The following SCAMP1 variants were observed in gnomAD, a reference collection of about 807,000 sequenced individuals.
SCAMP1 encodes secretory carrier membrane protein 1, also known as secretory carrier-associated membrane protein 1.
SCAMP1 carries 15 observed loss-of-function variants against 41.8 expected under a neutral mutation model. That is an observed-to-expected ratio of 0.36 (90% CI 0.24 to 0.55). SCAMP1 has a LOEUF of 0.55. Among genes scored for constraint, SCAMP1 ranks in the 20% least tolerant of loss-of-function variants. SCAMP1 has a pLI of 0.86. For synonymous variants in SCAMP1, 135 were observed against 136.8 expected (o/e 0.99, Z 0.09); for missense variants, 341 against 412.6 (o/e 0.83, Z 1.50).
rs777923800 is a variant in SCAMP1, at chr5:78,418,899, G to T, written c.468G>T (p.Trp156Cys). ...QKTVKLMYYLWMFHAVTLFLN... is the reference protein window; with the variant it reads ...QKTVKLMYYLCMFHAVTLFLN... ...CAGTAAAGCTTATGTACTACTTGTGGATGTGTGAGTATACAACAATTTACA... is the reference window on the plus strand; with the variant it reads ...CAGTAAAGCTTATGTACTACTTGTGTATGTGTGAGTATACAACAATTTACA... Residue 156 changes from tryptophan (W) to cysteine (C), a missense_variant, in exon 5 of 9, where the codon TGG (tryptophan) becomes TGT (cysteine). Physicochemically the swap from Trp to Cys is radical, Grantham distance 215 (BLOSUM62 -2). Coordinates refer to ENST00000621999, the MANE Select transcript of SCAMP1 (RefSeq NM_004866.6). 2 of 1,562,712 alleles carry T rather than the reference G, an allele frequency of 1.3e-6. No individual in the cohort carries two copies. The highest frequency in any genetic ancestry group is 4.0e-5 in the Admixed American group (2 of 50,628).
At chr5:78,453,945 G>A (rs1753312508) in intron 7 of SCAMP1, among the ~76,000 whole-genome samples, 1 of 152,122 alleles carries the variant, frequency 6.6e-6, no homozygotes, top group Admixed American at 6.5e-5. Context: ...TCTCTTTGAA[G>A]CAATTGTGAA....
chr5:78,445,142 T>C (rs1338308796), intron 6 of SCAMP1, among the ~76,000 whole-genome samples: 1 of 152,224 alleles, frequency 6.6e-6, no homozygotes, highest in African/African-American at 2.4e-5. Context: ...ATATCTCTGG[T>C]ATTGATTTGG....
At chr5:78,441,334 A>G (rs1407927551) in intron 6 of SCAMP1, among the ~76,000 whole-genome samples, 2 of 152,214 alleles carry the variant, frequency 1.3e-5, no homozygotes, top group African/African-American at 4.8e-5. Context: ...GCCGTCTTCA[A>G]ACGGATCACT....
chr5:78,381,160 G>A (rs1751196799), intron 1 of SCAMP1, among the ~76,000 whole-genome samples: 1 of 152,208 alleles, frequency 6.6e-6, no homozygotes, highest in African/African-American at 2.4e-5. Context: ...CAGGGAAATC[G>A]ATGTTGATGG....
At chr5:78,380,735 AG>A (rs1751185469) in intron 1 of SCAMP1, among the ~76,000 whole-genome samples, 1 of 152,202 alleles carries the variant, frequency 6.6e-6, no homozygotes, top group Non-Finnish European at 1.5e-5. Context: ...GAAGAAAAAA[AG>A]ATCACTGATC....
At position 78,476,094 on chromosome 5, in the gene SCAMP1, A is replaced by C. The variant is rs1370156381; in HGVS notation, c.*426A>C. ...CTTTTTCCCTATTTATATTGAAAGA[A>C]ATAGGCCAGCAGAGACTTAGGGATT... On this transcript the variant is annotated 3_prime_UTR_variant, in exon 9 of 9. Coordinates refer to ENST00000621999, the MANE Select transcript of SCAMP1 (RefSeq NM_004866.6). 1 of 152,778 alleles carries C rather than the reference A, an allele frequency of 6.5e-6. No individual in the cohort carries two copies. Among genetic ancestry groups the C allele is most frequent in the Admixed American group, 6.5e-5 (1 of 15,280 alleles). 9.5% of individuals were successfully genotyped at this position (152,778 alleles called of 1,614,324 possible).
intron 6 of SCAMP1, among the ~76,000 whole-genome samples, chr5:78,446,368 G>A (rs1185300775): frequency 6.6e-6 from 1 of 152,144 alleles, no homozygotes; most frequent in African/African-American, 2.4e-5. Flanking sequence ...TTGGAACAAG[G>A]TAATGGACAT....
chr5:78,408,778 G>A (rs1343629905), intron 2 of SCAMP1, among the ~76,000 whole-genome samples: 1 of 151,836 alleles, frequency 6.6e-6, no homozygotes, highest in Non-Finnish European at 1.5e-5. Flanking sequence ...TTTAAATTTT[G>A]GTGTAGAGCT....
At chr5:78,426,646 G>A (rs1752477457) in intron 6 of SCAMP1, among the ~76,000 whole-genome samples, 1 of 152,084 alleles carries the variant, frequency 6.6e-6, no homozygotes, top group Non-Finnish European at 1.5e-5. Context: ...ATAGAGTTGT[G>A]CAATCATTAC....
At chr5:78,416,192 A>G (rs533534955) in intron 3 of SCAMP1, among the ~76,000 whole-genome samples, 14 of 152,130 alleles carry the variant, frequency 9.2e-5, no homozygotes, top group Admixed American at 3.3e-4. Flanking sequence ...TCTATTGTTC[A>G]TTTTCCTCAA....
chr5:78,393,293 C>T (rs530286874), intron 2 of SCAMP1, among the ~76,000 whole-genome samples: 13 of 152,274 alleles, frequency 8.5e-5, no homozygotes, highest in African/African-American at 3.1e-4. Context: ...ACTCCTGCCT[C>T]AGCTTTTCAA....
chr5:78,440,189 C>T (rs1401814711), intron 6 of SCAMP1, among the ~76,000 whole-genome samples: 2 of 152,194 alleles, frequency 1.3e-5, no homozygotes, highest in African/African-American at 4.8e-5. Flanking sequence ...TACGGATCGT[C>T]TGAAGCCTTC....
Position 78,456,750 on chromosome 5 carries a change from A to G in SCAMP1, c.735-2495A>G, listed in dbSNP as rs1753416065. Among the ~76,000 whole-genome samples, 3 of 147,956 alleles carry G rather than the reference A, an allele frequency of 2.0e-5. No homozygotes were observed. In the South Asian group the frequency reaches 6.6e-4, roughly 32 times the overall value. ...TTGGCCTGCCTTGCTAGATTGGGGAAGTTCTCCTGGATAATATCCTGCAGA... is the reference window on the plus strand; with the variant it reads ...TTGGCCTGCCTTGCTAGATTGGGGAGGTTCTCCTGGATAATATCCTGCAGA... On this transcript the variant is annotated intron_variant, in intron 7 of 8. Transcript: ENST00000621999.
chr5:78,425,504 A>G (rs909378170), intron 6 of SCAMP1, among the ~76,000 whole-genome samples: 2 of 152,176 alleles, frequency 1.3e-5, no homozygotes, highest in African/African-American at 4.8e-5. Context: ...AATATTTTTA[A>G]AAGTATTTTA....
chr5:78,388,983 CT>C (rs1751418668), intron 2 of SCAMP1, 69 bp downstream of exon 2: 3 of 771,304 alleles, frequency 3.9e-6, no homozygotes, highest in East Asian at 5.7e-5. Flanking sequence ...ACTATGATTT[CT>C]TTTTTAGTGG....
At chr5:78,427,460 T>C (rs1752495737) in intron 6 of SCAMP1, among the ~76,000 whole-genome samples, 1 of 152,132 alleles carries the variant, frequency 6.6e-6, no homozygotes, top group African/African-American at 2.4e-5. Context: ...GGATCAAAAA[T>C]CCAAACTGTA....
intron 6 of SCAMP1, among the ~76,000 whole-genome samples, chr5:78,431,328 C>T (rs1473679905): frequency 8.0e-5 from 12 of 149,908 alleles, no homozygotes; most frequent in Middle Eastern, 3.4e-3. Flanking sequence ...CTTTTGCAGA[C>T]GCAACTATAG....
intron 6 of SCAMP1, among the ~76,000 whole-genome samples, chr5:78,446,463 T>C (rs1227846008): frequency 6.6e-6 from 1 of 151,994 alleles, no homozygotes; most frequent in Non-Finnish European, 1.5e-5. Context: ...ATTTTAATAG[T>C]CTGGTTTCTT....
At position 78,477,804 on chromosome 5, in the gene SCAMP1, G is replaced by A. The variant is rs1754039581; in HGVS notation, c.*2136G>A. The A allele has an allele frequency of 6.6e-6, 1 of 151,976 alleles. No individual in the cohort carries two copies. Among genetic ancestry groups the A allele is most frequent in the African/African-American group, 2.4e-5 (1 of 41,390 alleles). 9.4% of individuals were successfully genotyped at this position (151,976 alleles called of 1,614,324 possible). The stretch of plus-strand genomic sequence containing the variant: ...AAAAATATATGTGCATTGAAATGAT[G>A]GCAATGCTTATAGTATGATCAAGTA... On this transcript the variant is annotated 3_prime_UTR_variant, in exon 9 of 9. Coordinates refer to ENST00000621999, the MANE Select transcript of SCAMP1 (RefSeq NM_004866.6).
Sources: allele counts gnomAD v4.1 joint callset (sites outside exome capture counted in the v4.1 genomes callset), GRCh38; gene constraint gnomAD v4.1.1; transcripts MANE v1.5; gene names NCBI Gene and HGNC (gene_info 2026-07-23, HGNC 2026-07-21).